The following CSNK1G3 variants were observed in gnomAD, a reference collection of about 807,000 sequenced individuals.
CSNK1G3 encodes the protein casein kinase I isoform gamma-3.
In CSNK1G3, 23 loss-of-function variants were observed where a neutral mutation model predicts 64.3. The ratio of observed to expected loss-of-function variants is 0.36; its 90% CI spans 0.26 to 0.51. The LOEUF is 0.51. Ranked by LOEUF, CSNK1G3 falls within the 20% of genes least tolerant of loss-of-function variation. The probability of loss-of-function intolerance (pLI) is 0.96; values close to 1 mark genes in which losing one functional copy is unlikely to be tolerated. For synonymous variants in CSNK1G3, 158 were observed against 162.2 expected, an observed-to-expected ratio of 0.97 and a Z score of 0.20; for missense variants, 357 against 510.5, an observed-to-expected ratio of 0.70 and a Z score of 2.90.
At chr5:123,585,238 A>G (rs890138061) in intron 6 of CSNK1G3, among the ~76,000 whole-genome samples, 2 of 152,278 alleles carry the variant, frequency 1.3e-5, no homozygotes, top group Non-Finnish European at 1.5e-5. Context: ...AAGAAACTAT[A>G]TGAGAGTAGC....
In CSNK1G3 at chr5:123,598,157, C is replaced by T. The variant is rs534374631; in HGVS notation, c.1087-6567C>T. ...GATATCTACTACCTTTATTTTGTAT[C>T]AGCCTGTGTTCTGGAAAACCCCTAG... On this transcript the variant is annotated intron_variant, in intron 10 of 12. Transcript: ENST00000345990. Among the ~76,000 whole-genome samples, 6 of 152,226 alleles carry T rather than the reference C, an allele frequency of 3.9e-5. No individual in the cohort carries two copies. In the South Asian group the frequency reaches 1.2e-3, roughly 32 times the overall value.
intron 6 of CSNK1G3, 146 bp downstream of exon 6, chr5:123,576,109 T>G: frequency 1.8e-6 from 1 of 544,508 alleles, no homozygotes; most frequent in South Asian, 3.0e-5. Flanking sequence ...GAGTTTACTT[T>G]CACTTATATT....
At chr5:123,557,265 G>A (rs549722781) in intron 3 of CSNK1G3, among the ~76,000 whole-genome samples, 1 of 152,152 alleles carries the variant, frequency 6.6e-6, no homozygotes, top group South Asian at 2.1e-4. Context: ...AAACTTAAGG[G>A]ATTTTTCTCC....
chr5:123,614,917 A>G (rs1749201791), exon 13 of CSNK1G3: 1 of 152,794 alleles, frequency 6.5e-6, no homozygotes, highest in Non-Finnish European at 1.5e-5. Flanking sequence ...AGTATTACTG[A>G]TGGTACTGTT....
chr5:123,588,619 TA>T, intron 8 of CSNK1G3, 108 bp downstream of exon 8: 4 of 746,916 alleles, frequency 5.4e-6, no homozygotes, highest in Non-Finnish European at 8.9e-6. Flanking sequence ...AAAAAAGAGC[TA>T]AAAATATGAT....
intron 1 of CSNK1G3, among the ~76,000 whole-genome samples, chr5:123,530,895 C>T (rs1230227922): frequency 6.6e-6 from 1 of 152,056 alleles, no homozygotes; most frequent in Non-Finnish European, 1.5e-5. Context: ...CTTAGACAAC[C>T]ACAGTTGAGC....
intron 1 of CSNK1G3, among the ~76,000 whole-genome samples, chr5:123,523,640 CTT>C (rs1778526380): frequency 6.6e-6 from 1 of 152,116 alleles, no homozygotes; most frequent in African/African-American, 2.4e-5. Flanking sequence ...CAGTAGGAGA[CTT>C]TTAGAATTAT....
intron 10 of CSNK1G3, among the ~76,000 whole-genome samples, chr5:123,593,675 G>A (rs1471196942): frequency 2.0e-5 from 3 of 152,022 alleles, no homozygotes; most frequent in Non-Finnish European, 4.4e-5. Context: ...CTACAAATCT[G>A]CTTAATTCTG....
intron 3 of CSNK1G3, among the ~76,000 whole-genome samples, chr5:123,554,289 G>A (rs1784211000): frequency 6.6e-6 from 1 of 152,114 alleles, no homozygotes; most frequent in African/African-American, 2.4e-5. Flanking sequence ...CTGGTCCTTG[G>A]CTTATGAAAC....
chr5:123,513,833 T>G (rs1238523026), intron 1 of CSNK1G3, among the ~76,000 whole-genome samples: 3 of 152,196 alleles, frequency 2.0e-5, no homozygotes, highest in African/African-American at 7.2e-5. Context: ...GAAACTAGTT[T>G]AAGAAAATAT....
exon 11 of CSNK1G3, chr5:123,604,781 A>T: frequency 1.2e-6 from 2 of 1,612,036 alleles, no homozygotes; most frequent in South Asian, 2.2e-5. Flanking sequence ...AGGACGTTCA[A>T]ATGCACCCAT....
rs954176248 is a variant in CSNK1G3 at position 123,588,168 on chromosome 5, GTTTC to G, written c.759+19_759+22del. On this transcript the variant is annotated intron_variant, in intron 7 of 12. Coordinates refer to ENST00000345990, the Ensembl canonical transcript of CSNK1G3. ...AAGGCTTAAAGGTAATTGTTTTTGT[GTTTC>G]TTTATTGAATTTCATAAAATATTAA... 3.2e-6 allele frequency: 5 copies of G among 1,538,982 alleles called. No individual in the cohort carries two copies. Among genetic ancestry groups the G allele is most frequent in the Admixed American group, 1.7e-5 (1 of 58,968 alleles).
At chr5:123,597,970 C>G (rs1793746384) in intron 10 of CSNK1G3, among the ~76,000 whole-genome samples, 1 of 152,064 alleles carries the variant, frequency 6.6e-6, no homozygotes. Context: ...TTATTGATCT[C>G]TGGGAAGTGA....
chr5:123,538,301 T>C (rs1238196195), intron 1 of CSNK1G3, among the ~76,000 whole-genome samples: 2 of 152,216 alleles, frequency 1.3e-5, no homozygotes, highest in South Asian at 2.1e-4. Flanking sequence ...CAGCACTTTT[T>C]TGAGAGTTCC....
chr5:123,522,691 TA>T (rs565794372), intron 1 of CSNK1G3, among the ~76,000 whole-genome samples: 22 of 148,008 alleles, frequency 1.5e-4, no homozygotes, highest in South Asian at 1.1e-3. Context: ...GGAATAATGA[TA>T]AAAAAAAAAG....
chr5:123,559,072 A>G (rs1424122959), intron 4 of CSNK1G3, among the ~76,000 whole-genome samples: 1 of 152,342 alleles, frequency 6.6e-6, no homozygotes, highest in Middle Eastern at 3.4e-3. Context: ...AATTTCAGCA[A>G]AAGTTGTAGG....
At chr5:123,592,872 G>A (rs1170978349) in intron 10 of CSNK1G3, among the ~76,000 whole-genome samples, 1 of 151,812 alleles carries the variant, frequency 6.6e-6, no homozygotes, top group African/African-American at 2.4e-5. Flanking sequence ...GATAGCTGGA[G>A]TGCTGTGAAA....
In CSNK1G3 at chr5:123,609,325, G is replaced by A. The variant is rs1034574602; in HGVS notation, c.1217+3963G>A. 2.6e-5 allele frequency among the ~76,000 whole-genome samples: 4 copies of A among 152,280 alleles called. No individual in the cohort carries two copies. The South Asian group carries it at 8.3e-4, about 32-fold the overall frequency. On this transcript the variant is annotated intron_variant, in intron 12 of 12. Transcript: ENST00000345990. The stretch of plus-strand genomic sequence containing the variant: ...GGCTTATGTCACTTCCTGGGGTTCA[G>A]CAGATTGCAGAAAATGGTTTAAAAA...
intron 1 of CSNK1G3, among the ~76,000 whole-genome samples, chr5:123,516,774 A>G (rs1416092927): frequency 6.6e-6 from 1 of 152,196 alleles, no homozygotes; most frequent in Non-Finnish European, 1.5e-5. Context: ...TTTCAATGGA[A>G]TGAGAGATGG....
Sources: gnomAD v4.1 joint callset for allele counts (sites outside exome capture counted in the v4.1 genomes callset) on GRCh38, gnomAD v4.1.1 for gene constraint, MANE v1.5 for transcripts, NCBI Gene and HGNC (gene_info 2026-07-23, HGNC 2026-07-21) for gene names.